Variants in GTF2A2 observed in about 807,000 individuals in gnomAD.
The protein encoded by GTF2A2 is general transcription factor IIA subunit 2.
Under a neutral mutation model 14.3 loss-of-function variants are expected in GTF2A2, and 9 were observed. That is an observed-to-expected ratio of 0.63 (90% CI 0.38 to 1.10). The LOEUF is 1.10. GTF2A2 is among the 50% of genes least tolerant of loss of function. The pLI, the probability that GTF2A2 is intolerant of heterozygous loss-of-function variation, is 0.01. For synonymous variants in GTF2A2, 56 were observed against 46.0 expected, an observed-to-expected ratio of 1.22 and a Z score of -0.88; for missense variants, 90 against 124.6, an observed-to-expected ratio of 0.72 and a Z score of 1.32.
chr15:59,651,850 A>C lies in GTF2A2; in HGVS notation c.72+356T>G, dbSNP rs565934780. The C allele has an allele frequency of 5.8e-5, 10 of 173,670 alleles. No individual in the cohort carries two copies. In the South Asian group the frequency reaches 6.4e-4, roughly 11 times the overall value. 10.8% of individuals were successfully genotyped at this position (173,670 alleles called of 1,614,324 possible). On this transcript the variant is annotated intron_variant, in intron 2 of 4. Coordinates refer to ENST00000396060, the MANE Select transcript of GTF2A2 (RefSeq NM_004492.3). ...TATAGGCATGCGCCCACACCGAACT[A>C]ATTTTTTTATTTTTTGTGGAGATGG...
rs1555393643 is a variant in GTF2A2, at chr15:59,638,162, C to CT, written c.*969dup. On this transcript the variant is annotated 3_prime_UTR_variant, in exon 5 of 5. Coordinates refer to ENST00000396060, the MANE Select transcript of GTF2A2 (RefSeq NM_004492.3). Reference sequence around the variant, plus strand: ...CAAGTAATCCTCCAGTCTCAGCCTCCTAAAGTACTGGGATTACTTACAGGT... The same window carrying CT: ...CAAGTAATCCTCCAGTCTCAGCCTCCTTAAAGTACTGGGATTACTTACAGGT... The CT allele has an allele frequency of 6.6e-6, 1 of 152,142 alleles. No individual in the cohort carries two copies. Among genetic ancestry groups the CT allele is most frequent in the Non-Finnish European group, 1.5e-5 (1 of 68,040 alleles). 9.4% of individuals were successfully genotyped at this position (152,142 alleles called of 1,614,324 possible).
At position 59,642,261 on chromosome 15, in the gene GTF2A2, C is replaced by A; in HGVS notation, c.179G>T (p.Gly60Val). Residue 60 changes from glycine to valine, a missense_variant and splice_region_variant, in exon 4 of 5, where the codon GGC (glycine) becomes GTC (valine). By Grantham distance (109) the Gly-to-Val change is moderately radical. Coordinates refer to ENST00000396060, the MANE Select transcript of GTF2A2 (RefSeq NM_004492.3). Reference sequence around the variant, plus strand: ...GCAGAATCTGTACGTATTTAGAGAGCCCTTTAAAACAAAACATTTAGAAAT... The same window carrying A: ...GCAGAATCTGTACGTATTTAGAGAGACCTTTAAAACAAAACATTTAGAAAT... ...QRVRNRVNFR[G>V]SLNTYRFCDN... 6.3e-7 allele frequency: 1 copy of A among 1,589,088 alleles called. No individual in the cohort carries two copies. Among genetic ancestry groups the A allele is most frequent in the Admixed American group, 1.8e-5 (1 of 54,590 alleles).
chr15:59,646,284 G>C (rs555278495), intron 3 of GTF2A2, among the ~76,000 whole-genome samples: 33 of 152,246 alleles, frequency 2.2e-4, no homozygotes, highest in African/African-American at 7.7e-4. Context: ...TTGAACTCCT[G>C]ACCTCAAGTG....
At chr15:59,649,981 A>G (rs1467489961) in intron 3 of GTF2A2, among the ~76,000 whole-genome samples, 1 of 152,224 alleles carries the variant, frequency 6.6e-6, no homozygotes, top group Non-Finnish European at 1.5e-5. Context: ...ATATAAACAT[A>G]AAGTTAGATA....
At chr15:59,639,740 G>T (rs1891333327) in intron 4 of GTF2A2, among the ~76,000 whole-genome samples, 1 of 150,658 alleles carries the variant, frequency 6.6e-6, no homozygotes, top group South Asian at 2.1e-4. Context: ...TTAGAGGTGT[G>T]AGCCACCGTG....
rs1433025966 is a variant in GTF2A2, at chr15:59,638,094, G to A, written c.*1038C>T. Reference sequence around the variant, plus strand: ...ATGAAACAATTTTATTTTCTTTGTAGGGACAGTCTATATTGGCCAGGCTGG... The same window carrying A: ...ATGAAACAATTTTATTTTCTTTGTAAGGACAGTCTATATTGGCCAGGCTGG... On this transcript the variant is annotated 3_prime_UTR_variant, in exon 5 of 5. Coordinates refer to ENST00000396060, the MANE Select transcript of GTF2A2 (RefSeq NM_004492.3). 6.6e-6 allele frequency: 1 copy of A among 152,090 alleles called. No homozygotes were observed. The highest frequency in any genetic ancestry group is 2.4e-5 in the African/African-American group (1 of 41,414). 9.4% of individuals were successfully genotyped at this position (152,090 alleles called of 1,614,324 possible). A position where few individuals can be genotyped will look rare whatever the true frequency, so the allele number is the denominator to read the frequency against.
intron 3 of GTF2A2, among the ~76,000 whole-genome samples, chr15:59,647,639 C>T (rs1282133294): frequency 3.3e-5 from 5 of 152,170 alleles, no homozygotes; most frequent in African/African-American, 7.2e-5. Context: ...AGTGCAGTGG[C>T]GCGATCTTGG....
intron 2 of GTF2A2, 64 bp downstream of exon 2, chr15:59,652,142 T>C: frequency 6.6e-6 from 6 of 903,886 alleles, no homozygotes; most frequent in South Asian, 1.4e-5. Flanking sequence ...GCCTAAGTGA[T>C]ATGACAAGAA....
chr15:59,643,161 C>T (rs536371742), intron 3 of GTF2A2, among the ~76,000 whole-genome samples: 1 of 147,528 alleles, frequency 6.8e-6, no homozygotes, highest in South Asian at 2.2e-4. Flanking sequence ...ATCACTGCAA[C>T]CTCCGCCACC....
chr15:59,652,426 G>T, intron 1 of GTF2A2, 100 bp from the exon 2 acceptor site: 1 of 570,020 alleles, frequency 1.8e-6, no homozygotes, highest in Non-Finnish European at 3.1e-6. Flanking sequence ...ATAGAACTAG[G>T]AGAACGCTTA....
chr15:59,645,648 A>G (rs573570176), intron 3 of GTF2A2, among the ~76,000 whole-genome samples: 14 of 152,354 alleles, frequency 9.2e-5, no homozygotes, highest in Non-Finnish European at 1.5e-4. Flanking sequence ...CGTTTGCTAC[A>G]GTCTGAACCT....
chr15:59,652,095 G>C, intron 2 of GTF2A2, 111 bp downstream of exon 2: 2 of 669,772 alleles, frequency 3.0e-6, no homozygotes, highest in East Asian at 2.7e-5. Flanking sequence ...GACTTGCTGG[G>C]TCAAATAGTC....
chr15:59,641,339 C>G (rs2141956139), intron 4 of GTF2A2, among the ~76,000 whole-genome samples: 2 of 152,202 alleles, frequency 1.3e-5, no homozygotes, highest in South Asian at 4.2e-4. Context: ...GTATTCTCTA[C>G]ATTTTTTCAG....
intron 3 of GTF2A2, among the ~76,000 whole-genome samples, chr15:59,649,722 A>T (rs1288211145): frequency 6.6e-6 from 1 of 152,172 alleles, no homozygotes; most frequent in East Asian, 1.9e-4. Flanking sequence ...ATCCTTCACT[A>T]AAATTTAAGT....
At chr15:59,645,334 C>T (rs911569084) in intron 3 of GTF2A2, among the ~76,000 whole-genome samples, 2 of 152,102 alleles carry the variant, frequency 1.3e-5, no homozygotes, top group African/African-American at 2.4e-5. Context: ...GGACAGCGGA[C>T]GCACGCTGTA....
At chr15:59,650,382 T>C (rs1246470831) in intron 3 of GTF2A2, among the ~76,000 whole-genome samples, 2 of 152,228 alleles carry the variant, frequency 1.3e-5, no homozygotes, top group Non-Finnish European at 2.9e-5. Context: ...ATATTTCAGG[T>C]GTTTGGAATC....
intron 3 of GTF2A2, among the ~76,000 whole-genome samples, chr15:59,648,924 ACT>A (rs1891704799): frequency 1.3e-5 from 2 of 152,126 alleles, no homozygotes; most frequent in African/African-American, 4.8e-5. Context: ...ACAGAGCAAG[ACT>A]CTGTCTCAAA....
intron 3 of GTF2A2, among the ~76,000 whole-genome samples, chr15:59,649,049 TA>T (rs1452197987): frequency 1.3e-5 from 2 of 152,190 alleles, no homozygotes; most frequent in African/African-American, 4.8e-5. Flanking sequence ...AAATTATACA[TA>T]AAAAATATAT....
At chr15:59,644,883 A>C (rs145666474) in intron 3 of GTF2A2, among the ~76,000 whole-genome samples, 1 of 152,224 alleles carries the variant, frequency 6.6e-6, no homozygotes, top group Non-Finnish European at 1.5e-5. Flanking sequence ...GATCTTAAGC[A>C]TAAGAGTCTG....
Sources: gnomAD v4.1 joint callset for allele counts (sites outside exome capture counted in the v4.1 genomes callset) on GRCh38, gnomAD v4.1.1 for gene constraint, MANE v1.5 for transcripts, NCBI Gene and HGNC (gene_info 2026-07-23, HGNC 2026-07-21) for gene names.